IGFL2: variants seen among roughly 807,000 people sequenced by gnomAD.
IGFL2 encodes IGF like family member 2.
In IGFL2, 7 loss-of-function variants were observed where a neutral mutation model predicts 13.9. The ratio of observed to expected loss-of-function variants is 0.51; its 90% CI spans 0.29 to 0.95. The LOEUF (loss-of-function observed/expected upper bound fraction) is 0.95. Among genes scored for constraint, IGFL2 ranks in the 40% least tolerant of loss-of-function variants. The probability of loss-of-function intolerance (pLI) is 0.08; values close to 1 mark genes in which losing one functional copy is unlikely to be tolerated. For missense variants in IGFL2, 138 were observed against 147.8 expected (o/e 0.93, Z 0.34); for synonymous variants, 55 against 55.8 (o/e 0.99, Z 0.07).
chr19:46,101,502 A>G, the IGFL2 span, among the ~76,000 whole-genome samples: 2 of 152,182 alleles, frequency 1.3e-5, no homozygotes, highest in East Asian at 1.9e-4. Flanking sequence ...AGAGTCCACA[A>G]TCTGCCACAA....
the IGFL2 span, among the ~76,000 whole-genome samples, chr19:46,211,417 AAT>A: frequency 6.6e-6 from 1 of 152,156 alleles, no homozygotes; most frequent in Non-Finnish European, 1.5e-5. Context: ...GCACACCTGA[AAT>A]TCCACCTCAT....
chr19:46,127,284 G>T, the IGFL2 span, among the ~76,000 whole-genome samples: 1 of 152,114 alleles, frequency 6.6e-6, no homozygotes, highest in Non-Finnish European at 1.5e-5. Context: ...CAGCTACTCG[G>T]AAGGCTGTGG....
At chr19:46,179,114 T>TG in the IGFL2 span, among the ~76,000 whole-genome samples, 1 of 144,684 alleles carries the variant, frequency 6.9e-6, no homozygotes, top group Non-Finnish European at 1.5e-5. Flanking sequence ...GGTTGTGGGG[T>TG]GGGGGGTCTG....
At chr19:46,128,183 G>A in the IGFL2 span, among the ~76,000 whole-genome samples, 1 of 152,126 alleles carries the variant, frequency 6.6e-6, no homozygotes, top group Non-Finnish European at 1.5e-5. Flanking sequence ...ATGTACATTT[G>A]TACATTGATT....
At chr19:46,137,491 C>T in the IGFL2 span, 6 of 1,151,450 alleles carry the variant, frequency 5.2e-6, no homozygotes, top group African/African-American at 4.6e-5. Flanking sequence ...GCAGGTTGCC[C>T]CTTCTCCTTC....
At chr19:46,152,032 T>G (rs1973525176) in intron 1 of IGFL2, among the ~76,000 whole-genome samples, 1 of 152,218 alleles carries the variant, frequency 6.6e-6, no homozygotes, top group South Asian at 2.1e-4. Context: ...ATTTACATAT[T>G]CTTAATTCTT....
chr19:46,137,314 G>T, the IGFL2 span: 9 of 1,054,928 alleles, frequency 8.5e-6, no homozygotes, highest in Non-Finnish European at 1.3e-5. Flanking sequence ...TCCTTCGTAG[G>T]CTCATTTATC....
chr19:46,120,665 A>G, the IGFL2 span, among the ~76,000 whole-genome samples: 1 of 151,108 alleles, frequency 6.6e-6, no homozygotes, highest in Non-Finnish European at 1.5e-5. Flanking sequence ...ACCAATACAG[A>G]GATATCAGAA....
chr19:46,200,674 C>G, the IGFL2 span: 1 of 151,344 alleles, frequency 6.6e-6, no homozygotes, highest in Non-Finnish European at 1.5e-5. Flanking sequence ...TGCCACCATG[C>G]CCAGCTTTTA....
chr19:46,162,203 C>T (rs572673984), downstream of IGFL2, among the ~76,000 whole-genome samples: 130 of 152,300 alleles, frequency 8.5e-4, 2 homozygotes, highest in Middle Eastern at 0.017. Context: ...CCTGCCTTTT[C>T]GCTCTAGGTG....
At chr19:46,174,419 T>C in the IGFL2 span, among the ~76,000 whole-genome samples, 236 of 152,250 alleles carry the variant, frequency 1.6e-3, 1 homozygote, top group African/African-American at 5.5e-3. Context: ...TCCTCCCTGT[T>C]TTTCCAGAAC....
chr19:46,199,164 G>C, the IGFL2 span, among the ~76,000 whole-genome samples: 1 of 152,264 alleles, frequency 6.6e-6, no homozygotes, highest in Admixed American at 6.5e-5. Context: ...TGGAGTTCAG[G>C]AGACCTGGGC....
the IGFL2 span, among the ~76,000 whole-genome samples, chr19:46,118,200 C>G: frequency 6.6e-6 from 1 of 152,082 alleles, no homozygotes; most frequent in Non-Finnish European, 1.5e-5. Flanking sequence ...TTTCAAACTT[C>G]TATAAATTGG....
At chr19:46,148,207 C>T (rs767535607), upstream of IGFL2, 27 of 1,400,788 alleles carry the variant, frequency 1.9e-5, no homozygotes, top group Non-Finnish European at 2.5e-5. Context: ...AGTTCATAGC[C>T]TACATAAGTC....
chr19:46,133,481 C>T, the IGFL2 span, among the ~76,000 whole-genome samples: 1 of 152,054 alleles, frequency 6.6e-6, no homozygotes, highest in African/African-American at 2.4e-5. Flanking sequence ...CAGAGGAGAA[C>T]AAAGGAAGAC....
chr19:46,129,022 A>G, the IGFL2 span, among the ~76,000 whole-genome samples: 1 of 152,118 alleles, frequency 6.6e-6, no homozygotes. Flanking sequence ...CAATTTCAGA[A>G]CTTGTTATTG....
the IGFL2 span, among the ~76,000 whole-genome samples, chr19:46,188,421 C>G: frequency 1.3e-5 from 2 of 152,122 alleles, no homozygotes; most frequent in Non-Finnish European, 2.9e-5. Flanking sequence ...ACCGCCCCCC[C>G]CACTCTCCTC....
chr19:46,079,638 T>C, the IGFL2 span, among the ~76,000 whole-genome samples: 1 of 152,190 alleles, frequency 6.6e-6, no homozygotes, highest in Non-Finnish European at 1.5e-5. Context: ...GGTACTCATC[T>C]GCTTTAGCTA....
chr19:46,209,654 A>C, the IGFL2 span: 2 of 152,226 alleles, frequency 1.3e-5, no homozygotes, highest in Non-Finnish European at 2.9e-5. Flanking sequence ...AATTGTCAAG[A>C]ATATGTCAGC....
Sources: gnomAD v4.1 joint callset for allele counts (sites outside exome capture counted in the v4.1 genomes callset) on GRCh38, gnomAD v4.1.1 for gene constraint, MANE v1.5 for transcripts, NCBI Gene and HGNC (gene_info 2026-07-23, HGNC 2026-07-21) for gene names.